The following MEGF11 variants were observed in gnomAD, a reference collection of about 807,000 sequenced individuals.
The protein encoded by MEGF11 is multiple EGF like domains 11.
Under a neutral mutation model 146.6 loss-of-function variants are expected in MEGF11, and 126 were observed. That is an observed-to-expected ratio of 0.86 (90% CI 0.74 to 1.00). The LOEUF (loss-of-function observed/expected upper bound fraction) is 1.00, where lower values mean the gene tolerates loss of function less well. MEGF11 is among the 50% of genes least tolerant of loss of function. MEGF11 has a pLI of 0.00. For missense variants in MEGF11, 1,509 were observed against 1,521.2 expected (o/e 0.99, Z 0.13); for synonymous variants, 532 against 583.4 (o/e 0.91, Z 1.27).
intron 8 of MEGF11, chr15:65,967,139 G>A (rs193205439): frequency 2.0e-4 from 31 of 152,332 alleles, no homozygotes; most frequent in African/African-American, 7.2e-4. Context: ...ATCGGGTTCT[G>A]TAAGAATTAA....
chr15:66,075,327 T>A (rs1245601721), intron 5 of MEGF11, among the ~76,000 whole-genome samples: 1 of 152,250 alleles, frequency 6.6e-6, no homozygotes, highest in Non-Finnish European at 1.5e-5. Context: ...GGAGACTTAA[T>A]GACATGGTTT....
intron 10 of MEGF11, among the ~76,000 whole-genome samples, chr15:65,936,806 G>T (rs2079805527): frequency 6.6e-6 from 1 of 152,214 alleles, no homozygotes; most frequent in South Asian, 2.1e-4. Context: ...GGCCCTGGTA[G>T]GCTGGGTTCT....
chr15:66,011,868 A>G (rs1240097488), intron 5 of MEGF11, among the ~76,000 whole-genome samples: 1 of 152,166 alleles, frequency 6.6e-6, no homozygotes, highest in Non-Finnish European at 1.5e-5. Context: ...TTATGCCATG[A>G]TGTTGAGAGA....
chr15:65,960,114 A>C (rs574498800), intron 9 of MEGF11, among the ~76,000 whole-genome samples: 1 of 152,364 alleles, frequency 6.6e-6, no homozygotes, highest in East Asian at 1.9e-4. Flanking sequence ...CAAATCTTTC[A>C]AATATGAAAA....
chr15:66,189,338 G>A (rs2141182953), intron 1 of MEGF11, among the ~76,000 whole-genome samples: 1 of 152,184 alleles, frequency 6.6e-6, no homozygotes, highest in East Asian at 1.9e-4. Context: ...AGCGGGAAGG[G>A]GACATGTAAT....
intron 1 of MEGF11, among the ~76,000 whole-genome samples, chr15:66,207,434 C>G (rs1029254959): frequency 1.3e-5 from 2 of 152,122 alleles, no homozygotes; most frequent in Non-Finnish European, 2.9e-5. Context: ...GATAGTCAAC[C>G]TAGAATTCTA....
At chr15:66,135,849 C>T (rs186205410) in intron 1 of MEGF11, among the ~76,000 whole-genome samples, 1 of 152,318 alleles carries the variant, frequency 6.6e-6, no homozygotes, top group Admixed American at 6.5e-5. Context: ...TAAGTCACTA[C>T]CTTGCTGTGT....
At chr15:65,958,497 A>G (rs1356315552) in intron 9 of MEGF11, among the ~76,000 whole-genome samples, 1 of 152,190 alleles carries the variant, frequency 6.6e-6, no homozygotes, top group Admixed American at 6.5e-5. Flanking sequence ...CTGCGGGAGC[A>G]TAATTGACCT....
intron 5 of MEGF11, among the ~76,000 whole-genome samples, chr15:66,060,871 G>A (rs568987652): frequency 3.7e-4 from 57 of 152,236 alleles, no homozygotes; most frequent in African/African-American, 7.5e-4. Flanking sequence ...CTAAAGGGAC[G>A]GAAACAGAGA....
intron 10 of MEGF11, among the ~76,000 whole-genome samples, chr15:65,937,036 ATCCACTCT>A (rs2079813450): frequency 1.3e-5 from 2 of 152,206 alleles, no homozygotes; most frequent in Non-Finnish European, 2.9e-5. Flanking sequence ...CCTCTAGAGT[ATCCACTCT>A]GGGAGACAAG....
chr15:66,059,045 C>T (rs1440504269), intron 5 of MEGF11, among the ~76,000 whole-genome samples: 3 of 152,136 alleles, frequency 2.0e-5, no homozygotes, highest in Non-Finnish European at 2.9e-5. Context: ...GGTCAGGGCC[C>T]CGTCATCAAA....
chr15:65,965,770 G>C (rs2081072377), intron 8 of MEGF11, among the ~76,000 whole-genome samples: 1 of 151,778 alleles, frequency 6.6e-6, no homozygotes, highest in African/African-American at 2.4e-5. Flanking sequence ...GAGAATCAAT[G>C]TCCATTGTTT....
rs71139449 is a variant in MEGF11, at chr15:65,935,322, G to GAAAAAAAAA, written c.1288-4388_1288-4380dup. On this transcript the variant is annotated intron_variant, in intron 10 of 25. Coordinates refer to ENST00000395614, the MANE Select transcript of MEGF11 (RefSeq NM_001385028.1). ...GTGACAGAGCGAGACTCCGTCTCAA[G>GAAAAAAAAA]AAAAAAAAAAAAAAAAAAAAAAAAA... Among the ~76,000 whole-genome samples, 19 of 35,202 alleles carry GAAAAAAAAA rather than the reference G, an allele frequency of 5.4e-4. 6 individuals are homozygous for GAAAAAAAAA. The highest frequency in any genetic ancestry group is 5.7e-4 in the Non-Finnish European group (12 of 21,000). The allele number at this position is 35,202 out of a possible 152,430, so 23.1% of individuals were successfully genotyped here.
intron 10 of MEGF11, among the ~76,000 whole-genome samples, chr15:65,934,529 G>A (rs1234265921): frequency 6.6e-6 from 1 of 152,200 alleles, no homozygotes; most frequent in Non-Finnish European, 1.5e-5. Flanking sequence ...GGGATTACAG[G>A]TGTGAGCCAC....
intron 6 of MEGF11, 44 bp from the exon 7 acceptor site, chr15:65,980,942 C>G: frequency 6.6e-7 from 1 of 1,507,320 alleles, no homozygotes; most frequent in Non-Finnish European, 8.9e-7. Context: ...GCATTCAGAT[C>G]AGGTGGCAGG....
chr15:66,251,788 C>G lies in MEGF11; in HGVS notation c.-9+1817G>C, dbSNP rs566707806. On this transcript the variant is annotated intron_variant, in intron 1 of 25. Coordinates refer to ENST00000395614, the MANE Select transcript of MEGF11 (RefSeq NM_001385028.1). Reference sequence around the variant, plus strand: ...AGCAAGTCCTTTCACTTCTCTGGACCTCAGTTTGCTGATCTGTGAGTGGGA... The same window carrying G: ...AGCAAGTCCTTTCACTTCTCTGGACGTCAGTTTGCTGATCTGTGAGTGGGA... Among the ~76,000 whole-genome samples the G allele has an allele frequency of 3.3e-5, 5 of 152,354 alleles. No homozygotes were observed. In the South Asian group the frequency reaches 8.3e-4, roughly 25 times the overall value.
intron 1 of MEGF11, among the ~76,000 whole-genome samples, chr15:66,136,336 G>A (rs1412565225): frequency 1.3e-5 from 2 of 152,084 alleles, no homozygotes; most frequent in African/African-American, 4.8e-5. Context: ...GGCCTCTTTT[G>A]TGTGCTCCAT....
At chr15:66,131,937 G>C (rs750439600) in intron 1 of MEGF11, among the ~76,000 whole-genome samples, 1 of 152,176 alleles carries the variant, frequency 6.6e-6, no homozygotes, top group South Asian at 2.1e-4. Context: ...CTGAAGAAAG[G>C]CCTGGTGCAT....
intron 1 of MEGF11, among the ~76,000 whole-genome samples, chr15:66,210,642 T>C (rs1242899413): frequency 2.6e-5 from 4 of 152,212 alleles, no homozygotes; most frequent in Non-Finnish European, 4.4e-5. Flanking sequence ...TCGACTGCAT[T>C]CTGCAGAGAC....
Sources: allele counts gnomAD v4.1 joint callset (sites outside exome capture counted in the v4.1 genomes callset), GRCh38; gene constraint gnomAD v4.1.1; transcripts MANE v1.5; gene names NCBI Gene and HGNC (gene_info 2026-07-23, HGNC 2026-07-21).